The following LDB2 variants were observed in gnomAD, a reference collection of about 807,000 sequenced individuals.
LDB2 encodes LIM domain-binding protein 2.
In LDB2, 12 loss-of-function variants were observed where a neutral mutation model predicts 44.3. The ratio of observed to expected loss-of-function variants is 0.27; its 90% CI spans 0.17 to 0.44. LDB2 has a LOEUF of 0.44. Ranked by LOEUF, LDB2 falls within the 20% of genes least tolerant of loss-of-function variation. The probability of loss-of-function intolerance (pLI) is 1.00; values close to 1 mark genes in which losing one functional copy is unlikely to be tolerated. For missense variants in LDB2, 344 were observed against 473.5 expected, an observed-to-expected ratio of 0.73 and a Z score of 2.54; for synonymous variants, 164 against 174.8, an observed-to-expected ratio of 0.94 and a Z score of 0.49.
chr4:16,887,195 T>C (rs577954971), intron 1 of LDB2, among the ~76,000 whole-genome samples: 25 of 147,522 alleles, frequency 1.7e-4, no homozygotes, highest in African/African-American at 6.3e-4. Context: ...GGTAATTACA[T>C]AGTGACAGGA....
chr4:16,740,268 T>C (rs1474735526), intron 2 of LDB2, among the ~76,000 whole-genome samples: 1 of 152,196 alleles, frequency 6.6e-6, no homozygotes, highest in Non-Finnish European at 1.5e-5. Flanking sequence ...CATCATTTTT[T>C]CTTCTGGCAC....
chr4:16,723,316 A>G (rs1758714302), intron 2 of LDB2, among the ~76,000 whole-genome samples: 11 of 152,164 alleles, frequency 7.2e-5, no homozygotes, highest in Admixed American at 7.2e-4. Flanking sequence ...GCACCTGGTG[A>G]GAGTCATCCC....
intron 2 of LDB2, among the ~76,000 whole-genome samples, chr4:16,648,098 G>T (rs75853872): frequency 2.3e-3 from 348 of 152,234 alleles, no homozygotes; most frequent in African/African-American, 8.2e-3. Flanking sequence ...CACACAGTAG[G>T]TATTCAATAC....
chr4:16,595,595 C>T, intron 3 of LDB2, 108 bp downstream of exon 3: 2 of 953,112 alleles, frequency 2.1e-6, no homozygotes, highest in Admixed American at 2.3e-5. Flanking sequence ...TTGAAAGTGT[C>T]TGGGAGATGA....
intron 2 of LDB2, among the ~76,000 whole-genome samples, chr4:16,744,814 T>C (rs1162062387): frequency 1.3e-5 from 2 of 152,204 alleles, no homozygotes; most frequent in Non-Finnish European, 2.9e-5. Flanking sequence ...AACATTAATT[T>C]GAATCCTGAC....
intron 2 of LDB2, among the ~76,000 whole-genome samples, chr4:16,649,382 T>C (rs1211586509): frequency 6.6e-6 from 1 of 152,098 alleles, no homozygotes; most frequent in South Asian, 2.1e-4. Context: ...TCTGAACACA[T>C]AGGCATATTG....
chr4:16,813,116 A>G (rs1780217807), intron 1 of LDB2, among the ~76,000 whole-genome samples: 1 of 151,958 alleles, frequency 6.6e-6, no homozygotes, highest in South Asian at 2.1e-4. Context: ...CTCGTGCCTC[A>G]ACCTCCCTAG....
rs757702164 is a variant in LDB2, at chr4:16,592,505, T to TATACAC, written c.408+3197_408+3198insGTGTAT. On this transcript the variant is annotated intron_variant, in intron 3 of 7. Coordinates refer to ENST00000304523, the MANE Select transcript of LDB2 (RefSeq NM_001290.5). Reference sequence around the variant, plus strand: ...ATATATATATATATATATATATATATACACACACACACACACAAACACACA... The same window carrying TATACAC: ...ATATATATATATATATATATATATATATACACACACACACACACACACAAACACACA... Among the ~76,000 whole-genome samples, 168 of 107,866 alleles carry TATACAC rather than the reference T, an allele frequency of 1.6e-3. 2 individuals are homozygous for TATACAC. Among genetic ancestry groups the TATACAC allele is most frequent in the African/African-American group, 5.7e-3 (149 of 26,136 alleles). 70.8% of individuals were successfully genotyped at this position (107,866 alleles called of 152,430 possible).
chr4:16,701,136 G>T (rs157621), intron 2 of LDB2, among the ~76,000 whole-genome samples: 37,231 of 152,090 alleles, frequency 0.24, 5,259 homozygotes, highest in Non-Finnish European at 0.33. Flanking sequence ...GATGTCACCT[G>T]CCCTTCAGAT....
At chr4:16,685,987 G>A (rs1488799691) in intron 2 of LDB2, among the ~76,000 whole-genome samples, 5 of 152,144 alleles carry the variant, frequency 3.3e-5, no homozygotes, top group African/African-American at 1.2e-4. Flanking sequence ...GGGAGGTGGA[G>A]GTTTCAGTGA....
chr4:16,896,291 T>C (rs1724976443), intron 1 of LDB2, among the ~76,000 whole-genome samples: 1 of 152,208 alleles, frequency 6.6e-6, no homozygotes, highest in Admixed American at 6.5e-5. Context: ...TAGGAATTCC[T>C]GAGTTTAGCT....
At chr4:16,789,545 A>G (rs964741107) in intron 1 of LDB2, among the ~76,000 whole-genome samples, 1 of 152,236 alleles carries the variant, frequency 6.6e-6, no homozygotes. Context: ...TGCAAACAAC[A>G]ATAATGAAAA....
At chr4:16,879,751 C>T (rs998864843) in intron 1 of LDB2, among the ~76,000 whole-genome samples, 2 of 152,132 alleles carry the variant, frequency 1.3e-5, no homozygotes, top group African/African-American at 4.8e-5. Context: ...TGAATCTCTT[C>T]CTGGATATAT....
At chr4:16,719,360 A>G (rs1191619607) in intron 2 of LDB2, among the ~76,000 whole-genome samples, 1 of 152,152 alleles carries the variant, frequency 6.6e-6, no homozygotes, top group Non-Finnish European at 1.5e-5. Flanking sequence ...AGCTTGACAG[A>G]ATATATTCAT....
At chr4:16,742,951 G>T (rs543254854) in intron 2 of LDB2, among the ~76,000 whole-genome samples, 1 of 152,080 alleles carries the variant, frequency 6.6e-6, no homozygotes, top group South Asian at 2.1e-4. Flanking sequence ...AGCAGGAAAT[G>T]ACTTCTGTTT....
intron 5 of LDB2, among the ~76,000 whole-genome samples, chr4:16,519,331 AG>A (rs1725064416): frequency 6.6e-6 from 1 of 151,892 alleles, no homozygotes. Context: ...ATCCAGAACT[AG>A]TGATAAAGAA....
chr4:16,770,589 AG>A (rs1187491164), intron 1 of LDB2, among the ~76,000 whole-genome samples: 1 of 152,198 alleles, frequency 6.6e-6, no homozygotes. Context: ...AATGTACCCA[AG>A]GTTACAAATC....
chr4:16,855,896 G>C (rs1180707836), intron 1 of LDB2, among the ~76,000 whole-genome samples: 1 of 152,058 alleles, frequency 6.6e-6, no homozygotes, highest in African/African-American at 2.4e-5. Flanking sequence ...GTGCAAGATG[G>C]ACTAATGGAT....
chr4:16,604,056 G>A (rs1496744), intron 2 of LDB2, among the ~76,000 whole-genome samples: 151,411 of 152,226 alleles, frequency 0.99, 75,305 homozygotes, highest in Middle Eastern at 1. Context: ...TTATAGAGAC[G>A]GGGTCCAGCT....
Sources: allele counts gnomAD v4.1 joint callset (sites outside exome capture counted in the v4.1 genomes callset), GRCh38; gene constraint gnomAD v4.1.1; transcripts MANE v1.5; gene names NCBI Gene and HGNC (gene_info 2026-07-23, HGNC 2026-07-21).